Variants in DNAI1 observed in about 807,000 individuals in gnomAD.
The protein encoded by DNAI1 is dynein, axonemal, intermediate polypeptide 1.
Under a neutral mutation model 92.0 loss-of-function variants are expected in DNAI1, and 67 were observed. The ratio of observed to expected loss-of-function variants is 0.73; its 90% CI spans 0.60 to 0.89. The LOEUF (loss-of-function observed/expected upper bound fraction) is 0.89. Ranked by LOEUF, DNAI1 falls within the 40% of genes least tolerant of loss-of-function variation. The probability of loss-of-function intolerance (pLI) is 0.00; values close to 1 mark genes in which losing one functional copy is unlikely to be tolerated. For missense variants in DNAI1, 839 were observed against 866.6 expected (o/e 0.97, Z 0.40); for synonymous variants, 323 against 319.6 (o/e 1.01, Z -0.11).
chr9:34,489,862 C>T, intron 5 of DNAI1, 150 bp from the exon 6 acceptor site: 2 of 1,188,478 alleles, frequency 1.7e-6, no homozygotes, highest in Non-Finnish European at 1.2e-6. Flanking sequence ...AAAAAAAAAG[C>T]CCAATAGCTG....
chr9:34,484,221 A>T (rs1388389193), intron 2 of DNAI1, among the ~76,000 whole-genome samples: 1 of 151,408 alleles, frequency 6.6e-6, no homozygotes, highest in Non-Finnish European at 1.5e-5. Flanking sequence ...TCTCAAATAA[A>T]TAAATAAAAA....
intron 10 of DNAI1, 69 bp from the exon 11 acceptor site, chr9:34,500,653 G>T: frequency 9.5e-7 from 1 of 1,051,340 alleles, no homozygotes; most frequent in African/African-American, 1.6e-5. Flanking sequence ...GGTACAGACA[G>T]TAAGTGGTGG....
intron 1 of DNAI1, among the ~76,000 whole-genome samples, chr9:34,469,260 CTTTT>C (rs35082433): frequency 3.4e-4 from 27 of 80,184 alleles, no homozygotes; most frequent in Admixed American, 2.0e-3. Flanking sequence ...AATGGAATGG[CTTTT>C]TTTTTTTTTT....
At chr9:34,500,251 T>A (rs1234072104) in intron 10 of DNAI1, among the ~76,000 whole-genome samples, 1 of 152,070 alleles carries the variant, frequency 6.6e-6, no homozygotes, top group Non-Finnish European at 1.5e-5. Context: ...GGCAGCTTCA[T>A]TATAGGGAGA....
At chr9:34,489,473 G>T in intron 5 of DNAI1, 24 bp downstream of exon 5, 1 of 1,612,336 alleles carries the variant, frequency 6.2e-7, no homozygotes, top group Non-Finnish European at 8.5e-7. Context: ...CCATCCTGAA[G>T]CTACAGCCCT....
intron 18 of DNAI1, among the ~76,000 whole-genome samples, chr9:34,515,316 G>A (rs754685604): frequency 6.6e-6 from 1 of 152,200 alleles, no homozygotes; most frequent in Non-Finnish European, 1.5e-5. Flanking sequence ...AGAATGCAGC[G>A]ATGAAGGCAC....
chr9:34,475,638 C>T (rs1313193537), intron 1 of DNAI1, among the ~76,000 whole-genome samples: 2 of 152,154 alleles, frequency 1.3e-5, no homozygotes, highest in Non-Finnish European at 2.9e-5. Flanking sequence ...TCATAACAAG[C>T]CTCTGATTGT....
At chr9:34,488,862 G>A (rs1269350162) in intron 4 of DNAI1, among the ~76,000 whole-genome samples, 1 of 152,170 alleles carries the variant, frequency 6.6e-6, no homozygotes, top group African/African-American at 2.4e-5. Flanking sequence ...TGGTCCTCTT[G>A]TATGGAACTA....
At chr9:34,485,721 T>C (rs545285250) in intron 4 of DNAI1, among the ~76,000 whole-genome samples, 1 of 152,338 alleles carries the variant, frequency 6.6e-6, no homozygotes, top group African/African-American at 2.4e-5. Flanking sequence ...TCTTGCTGAT[T>C]GTGGTCTTAA....
intron 19 of DNAI1, among the ~76,000 whole-genome samples, chr9:34,517,848 A>G (rs1825200450): frequency 6.6e-6 from 1 of 152,152 alleles, no homozygotes; most frequent in South Asian, 2.1e-4. Flanking sequence ...CTGGGCTTTC[A>G]CAGGGCTTCA....
In DNAI1 at chr9:34,458,814, G is replaced by GT; in HGVS notation, c.-191dup. The stretch of plus-strand genomic sequence containing the variant: ...GCCTTGGCTGCTGGTCGGTTGCTGG[G>GT]TAACCGCGTCAGGGAGTTGGATTCT... On this transcript the variant is annotated 5_prime_UTR_variant, in exon 1 of 20. Coordinates refer to ENST00000242317, the MANE Select transcript of DNAI1 (RefSeq NM_012144.4). The surrounding 1 kb of genome is among the most constrained non-coding windows in gnomAD (Gnocchi z 6.6). 1.5e-6 allele frequency: 1 copy of GT among 651,398 alleles called. No homozygotes were observed. The highest frequency in any genetic ancestry group is 2.7e-5 in the East Asian group (1 of 36,374). The allele number at this position is 651,398 out of a possible 1,614,324, so 40.4% of individuals were successfully genotyped here.
chr9:34,497,155 T>C lies in DNAI1; in HGVS notation c.857T>C (p.Met286Thr). ...LIKLSQAAKI[M>T]ERMVNQNTYD... ...AAATTGTCCCAAGCTGCTAAGATCATGGAGCGGATGGTCAACCAGAATACA... is the reference window on the plus strand; with the variant it reads ...AAATTGTCCCAAGCTGCTAAGATCACGGAGCGGATGGTCAACCAGAATACA... Residue 286 changes from methionine (M) to threonine (T), a missense_variant, in exon 10 of 20, where the codon ATG (methionine) becomes ACG (threonine). Coordinates refer to ENST00000242317, the MANE Select transcript of DNAI1 (RefSeq NM_012144.4). 2 of 1,614,218 alleles carry C rather than the reference T, an allele frequency of 1.2e-6. No homozygotes were observed. Among genetic ancestry groups the C allele is most frequent in the South Asian group, 1.1e-5 (1 of 91,080 alleles).
Position 34,495,887 on chromosome 9 carries a change from C to T in DNAI1, c.817-1228C>T, listed in dbSNP as rs575062607. On this transcript the variant is annotated intron_variant, in intron 9 of 19. Coordinates refer to ENST00000242317, the MANE Select transcript of DNAI1 (RefSeq NM_012144.4). ...CTGGAACCAGGTGAACTCTGAGGTC[C>T]GTGACTGCAAGACTCCAGTGAATGC... Among the ~76,000 whole-genome samples, 37 of 152,206 alleles carry T rather than the reference C, an allele frequency of 2.4e-4. 1 individual carries two copies. Among genetic ancestry groups the T allele is most frequent in the Non-Finnish European group, 3.2e-4 (22 of 68,000 alleles).
At position 34,473,688 on chromosome 9, in the gene DNAI1, A is replaced by ATTGG. The variant is rs369367980; in HGVS notation, c.49-9738_49-9735dup. ...TTAGCAATTTTCAAGAATACAATAT[A>ATTGG]TTGGTTGGTTGGTTGGTTGGTTGGT... is the stretch of plus-strand genomic sequence containing the variant. On this transcript the variant is annotated intron_variant, in intron 1 of 19. Transcript: ENST00000242317. Among the ~76,000 whole-genome samples, 42 of 151,996 alleles carry ATTGG rather than the reference A, an allele frequency of 2.8e-4. No individual in the cohort carries two copies. In the Middle Eastern group the frequency reaches 0.017, roughly 62 times the overall value.
At chr9:34,494,422 T>C (rs1025479738) in intron 9 of DNAI1, among the ~76,000 whole-genome samples, 6 of 152,176 alleles carry the variant, frequency 3.9e-5, no homozygotes, top group African/African-American at 1.4e-4. Context: ...AGGTGAAAGA[T>C]GGAGCCCCTG....
At chr9:34,501,244 G>A (rs1320933557) in intron 12 of DNAI1, 63 bp downstream of exon 12, 1 of 1,317,244 alleles carries the variant, frequency 7.6e-7, no homozygotes, top group East Asian at 2.3e-5. Flanking sequence ...TACCTACTCT[G>A]TGCAGAACTC....
intron 10 of DNAI1, among the ~76,000 whole-genome samples, chr9:34,499,817 C>T (rs942770567): frequency 2.6e-5 from 4 of 152,076 alleles, no homozygotes; most frequent in African/African-American, 7.2e-5. Context: ...CTAGAAATAA[C>T]GTGGATCTCC....
intron 12 of DNAI1, among the ~76,000 whole-genome samples, chr9:34,505,906 C>T (rs140780611): frequency 9.5e-4 from 144 of 152,316 alleles, no homozygotes; most frequent in Non-Finnish European, 1.6e-3. Flanking sequence ...ATGTTCATGA[C>T]TACATATCAG....
intron 1 of DNAI1, among the ~76,000 whole-genome samples, chr9:34,469,071 C>A (rs1345109429): frequency 1.3e-5 from 2 of 151,818 alleles, no homozygotes; most frequent in African/African-American, 4.8e-5. Flanking sequence ...CTCAGTGAGC[C>A]CCAAGCAGGA....
Sources: gnomAD v4.1 joint callset for allele counts (sites outside exome capture counted in the v4.1 genomes callset) on GRCh38, gnomAD v4.1.1 for gene constraint, Gnocchi (gnomAD v3.1) non-coding constraint, MANE v1.5 for transcripts, NCBI Gene and HGNC (gene_info 2026-07-23, HGNC 2026-07-21) for gene names.